FOXP1: variants seen among roughly 807,000 people sequenced by gnomAD.
The protein encoded by FOXP1 is forkhead box protein P1.
FOXP1 carries 15 observed loss-of-function variants against 98.2 expected under a neutral mutation model. The observed-to-expected ratio is 0.15, with a 90% confidence interval of 0.10 to 0.24. The LOEUF (loss-of-function observed/expected upper bound fraction) is 0.24, where lower values mean the gene tolerates loss of function less well. Among genes scored for constraint, FOXP1 ranks in the 10% least tolerant of loss-of-function variants. FOXP1 has a pLI of 1.00. For missense variants in FOXP1, 633 were observed against 848.5 expected (o/e 0.75, Z 3.15); for synonymous variants, 371 against 314.5 (o/e 1.18, Z -1.90).
At chr3:71,114,480 G>A (rs1030890461) in intron 6 of FOXP1, among the ~76,000 whole-genome samples, 33 of 152,214 alleles carry the variant, frequency 2.2e-4, no homozygotes, top group African/African-American at 7.0e-4. Flanking sequence ...AAGACACTGC[G>A]TAAGGTTGAG....
chr3:71,398,746 T>C (rs2108194315), intron 3 of FOXP1, among the ~76,000 whole-genome samples: 1 of 152,312 alleles, frequency 6.6e-6, no homozygotes, highest in African/African-American at 2.4e-5. Context: ...AACTTACATC[T>C]TCATGATGAG....
chr3:71,135,325 A>T (rs1235544571), intron 6 of FOXP1, among the ~76,000 whole-genome samples: 4 of 150,388 alleles, frequency 2.7e-5, no homozygotes, highest in African/African-American at 9.8e-5. Context: ...CTGAAAAAGG[A>T]GGGGGGACCA....
rs146173670 is a variant in FOXP1, at chr3:71,455,729, A to C, written c.-168+37697T>G. Among the ~76,000 whole-genome samples, 4 of 152,282 alleles carry C rather than the reference A, an allele frequency of 2.6e-5. No homozygotes were observed. In the East Asian group the frequency reaches 7.7e-4, roughly 29 times the overall value. On this transcript the variant is annotated intron_variant, in intron 3 of 20. Coordinates refer to ENST00000649528, the MANE Select transcript of FOXP1 (RefSeq NM_001349338.3). ...AATACGAAGAGTCAAAATATTTTAA[A>C]GGATCACACTTCCAACAGTTGCAAT...
chr3:71,193,903 T>C (rs868462234), intron 6 of FOXP1, among the ~76,000 whole-genome samples: 2 of 152,328 alleles, frequency 1.3e-5, no homozygotes, highest in South Asian at 4.1e-4. Flanking sequence ...ACTCCCCTTC[T>C]TCTTTTTCAA....
intron 3 of FOXP1, among the ~76,000 whole-genome samples, chr3:71,442,043 C>T (rs1347355150): frequency 6.6e-6 from 1 of 152,176 alleles, no homozygotes; most frequent in Non-Finnish European, 1.5e-5. Context: ...GAAGTCATGC[C>T]TACACAACTT....
chr3:71,161,766 A>C (rs1344175070), intron 6 of FOXP1, among the ~76,000 whole-genome samples: 1 of 152,220 alleles, frequency 6.6e-6, no homozygotes, highest in Non-Finnish European at 1.5e-5. Context: ...GGGATGAACA[A>C]AAACAGTGGA....
In FOXP1 at chr3:70,966,043, T is replaced by C. The variant is rs2034694477; in HGVS notation, c.1736A>G (p.Glu579Gly). 6.2e-7 allele frequency: 1 copy of C among 1,614,028 alleles called. No individual in the cohort carries two copies. Among genetic ancestry groups the C allele is most frequent in the Admixed American group, 1.7e-5 (1 of 60,002 alleles). ...LNAALQASMAENSIPLYTTAS... is the reference protein window; with the variant it reads ...LNAALQASMAGNSIPLYTTAS... Reference sequence around the variant, plus strand: ...GGTAGTGTATAGAGGTATACTATTCTCAGCCATTGAAGCCTGTCATCAACC... The same window carrying C: ...GGTAGTGTATAGAGGTATACTATTCCCAGCCATTGAAGCCTGTCATCAACC... Residue 579 changes from glutamate (E) to glycine (G), a missense_variant, in exon 20 of 21, where the codon GAG (glutamate) becomes GGG (glycine). By Grantham distance (98) the Glu-to-Gly change is moderately conservative. This residue lies in a region of FOXP1 where 150 missense variants were observed against 163.7 expected (regional missense o/e 0.92). Coordinates refer to ENST00000649528, the MANE Select transcript of FOXP1 (RefSeq NM_001349338.3).
chr3:71,318,833 C>T (rs780350888), intron 4 of FOXP1, among the ~76,000 whole-genome samples: 12 of 152,178 alleles, frequency 7.9e-5, no homozygotes, highest in Non-Finnish European at 1.6e-4. Context: ...GTAAAAACCT[C>T]TTCAGAGTAA....
intron 6 of FOXP1, among the ~76,000 whole-genome samples, chr3:71,177,331 G>A (rs1324251895): frequency 2.6e-5 from 4 of 152,176 alleles, no homozygotes; most frequent in African/African-American, 7.2e-5. Context: ...AGGAGAGGGT[G>A]GAAATGGAAA....
At chr3:71,472,482 A>G (rs2089453795) in intron 3 of FOXP1, among the ~76,000 whole-genome samples, 2 of 152,058 alleles carry the variant, frequency 1.3e-5, no homozygotes, top group Middle Eastern at 3.4e-3. Context: ...ACATTCTTCA[A>G]GTCATATTTT....
At chr3:71,113,712 C>CATAAAAT (rs145515459) in intron 6 of FOXP1, among the ~76,000 whole-genome samples, 134 of 102,410 alleles carry the variant, frequency 1.3e-3, no homozygotes, top group African/African-American at 4.7e-3. Context: ...GCTTCCATCT[C>CATAAAAT]AAAATAAAAT....
chr3:70,986,032 G>A (rs2039671314), intron 14 of FOXP1, among the ~76,000 whole-genome samples: 1 of 152,140 alleles, frequency 6.6e-6, no homozygotes, highest in South Asian at 2.1e-4. Context: ...GTTGACTAGT[G>A]GTAGAGAATT....
At chr3:71,342,698 A>AAC (rs1174449640) in intron 4 of FOXP1, among the ~76,000 whole-genome samples, 4 of 151,784 alleles carry the variant, frequency 2.6e-5, no homozygotes, top group African/African-American at 7.3e-5. Flanking sequence ...AAAAAAAAAA[A>AAC]AGCAAACAGA....
intron 2 of FOXP1, among the ~76,000 whole-genome samples, chr3:71,525,931 C>G (rs1315900541): frequency 6.6e-6 from 1 of 152,038 alleles, no homozygotes; most frequent in Non-Finnish European, 1.5e-5. Context: ...GCCTGGCCAA[C>G]ATGGTAAAAC....
At chr3:71,100,591 T>C (rs911622489) in intron 7 of FOXP1, among the ~76,000 whole-genome samples, 6 of 152,218 alleles carry the variant, frequency 3.9e-5, no homozygotes, top group African/African-American at 7.2e-5. Context: ...TTTTAGTTTC[T>C]TTCTGAAGAA....
At chr3:71,392,760 T>G (rs1202883962) in intron 3 of FOXP1, among the ~76,000 whole-genome samples, 1 of 152,198 alleles carries the variant, frequency 6.6e-6, no homozygotes, top group Non-Finnish European at 1.5e-5. Context: ...TTTTAACTAG[T>G]GTAATTTTTT....
At chr3:71,038,389 T>C (rs912697796) in intron 11 of FOXP1, among the ~76,000 whole-genome samples, 1 of 152,070 alleles carries the variant, frequency 6.6e-6, no homozygotes, top group Non-Finnish European at 1.5e-5. Flanking sequence ...GAAAAGAATA[T>C]TACACAGAAA....
At chr3:71,235,698 T>C (rs920737375) in intron 5 of FOXP1, among the ~76,000 whole-genome samples, 4 of 152,024 alleles carry the variant, frequency 2.6e-5, no homozygotes, top group Admixed American at 6.6e-5. Context: ...TCCTAAGTAG[T>C]TGGGACTAAA....
chr3:71,090,419 A>G (rs570665969), intron 7 of FOXP1, among the ~76,000 whole-genome samples: 1 of 152,296 alleles, frequency 6.6e-6, no homozygotes, highest in Non-Finnish European at 1.5e-5. Context: ...TGTGAGGAGA[A>G]CCACCCTTGG....
Sources: gnomAD v4.1 joint callset for allele counts (sites outside exome capture counted in the v4.1 genomes callset) on GRCh38, gnomAD v4.1.1 for gene constraint, gnomAD v4.1.1 regional missense constraint, MANE v1.5 for transcripts, NCBI Gene and HGNC (gene_info 2026-07-23, HGNC 2026-07-21) for gene names.